BACE1: variants seen among roughly 807,000 people sequenced by gnomAD.
The protein encoded by BACE1 is APP beta-secretase.
Under a neutral mutation model 54.0 loss-of-function variants are expected in BACE1, and 21 were observed. That is an observed-to-expected ratio of 0.39 (90% CI 0.28 to 0.56). The LOEUF is 0.56. Ranked by LOEUF, BACE1 falls within the 20% of genes least tolerant of loss-of-function variation. The pLI is 0.63. For synonymous variants in BACE1, 232 were observed against 260.9 expected (o/e 0.89, Z 1.07); for missense variants, 511 against 661.2 (o/e 0.77, Z 2.49).
At chr11:117,305,811 G>A (rs1044033021) in intron 1 of BACE1, among the ~76,000 whole-genome samples, 42 of 152,076 alleles carry the variant, frequency 2.8e-4, no homozygotes, top group African/African-American at 8.9e-4. Context: ...CGAGGCGGAC[G>A]GATCACAAAG....
At position 117,287,920 on chromosome 11, in the gene BACE1, C is replaced by G. The variant is rs2034305053; in HGVS notation, c.*1646G>C. On this transcript the variant is annotated 3_prime_UTR_variant, in exon 9 of 9. Coordinates refer to ENST00000313005, the MANE Select transcript of BACE1 (RefSeq NM_012104.6). ...CTCTCCCTTATCAGGTAATTCCACA[C>G]TTAGCAGGTCCCATACCTGGAAGCA... 6.6e-6 allele frequency: 1 copy of G among 152,656 alleles called. No individual in the cohort carries two copies. The highest frequency in any genetic ancestry group is 1.5e-5 in the Non-Finnish European group (1 of 68,050). The allele number at this position is 152,656 out of a possible 1,614,324, so 9.5% of individuals were successfully genotyped here.
chr11:117,295,515 A>C, intron 2 of BACE1, 168 bp from the exon 3 acceptor site: 41 of 1,536,184 alleles, frequency 2.7e-5, no homozygotes, highest in Non-Finnish European at 3.5e-5. Context: ...AACAGAGTGT[A>C]AAGTGGGCTT....
In BACE1 at chr11:117,290,915, G is replaced by A; in HGVS notation, c.1077C>T (p.Ile359=). ...TGGGACATACCTGCGGAAGGATGGT[G>A]ATGCGGAAGGACTGGTTGGTAACCT... ...MGEVTNQSFR[I]TILPQQYLRP... Residue 359 remains isoleucine (I), a synonymous_variant, in exon 7 of 9, where the codon ATC becomes ATT. Coordinates refer to ENST00000313005, the MANE Select transcript of BACE1 (RefSeq NM_012104.6). The A allele has an allele frequency of 1.2e-6, 2 of 1,614,110 alleles. No individual in the cohort carries two copies. Among genetic ancestry groups the A allele is most frequent in the Non-Finnish European group, 1.7e-6 (2 of 1,180,020 alleles).
At chr11:117,295,745 A>G in intron 2 of BACE1, 2 of 1,423,206 alleles carry the variant, frequency 1.4e-6, no homozygotes, top group Non-Finnish European at 1.8e-6. Context: ...CTGCCTTGGA[A>G]CCTAGTGGTA....
chr11:117,294,594 C>T (rs2034547521), intron 3 of BACE1, among the ~76,000 whole-genome samples: 1 of 151,754 alleles, frequency 6.6e-6, no homozygotes, highest in Non-Finnish European at 1.5e-5. Context: ...TATTAAAGAT[C>T]TTAGAGTGGC....
chr11:117,303,110 T>G (rs2034760124), intron 1 of BACE1, among the ~76,000 whole-genome samples: 1 of 152,190 alleles, frequency 6.6e-6, no homozygotes, highest in South Asian at 2.1e-4. Flanking sequence ...GAGGGATCTC[T>G]CAGTGGCTCC....
In BACE1 at chr11:117,312,469, C is replaced by CTT. The variant is rs374854581; in HGVS notation, c.261+3064_261+3065dup. ...TCCTATAAATACATTATTCTCTTTT[C>CTT]TTTTTTTTTTTGAGACGGAGTCTCG... On this transcript the variant is annotated intron_variant, in intron 1 of 8. Coordinates refer to ENST00000313005, the MANE Select transcript of BACE1 (RefSeq NM_012104.6). 8.8e-3 allele frequency among the ~76,000 whole-genome samples: 1,299 copies of CTT among 147,856 alleles called. 21 individuals are homozygous for CTT. The highest frequency in any genetic ancestry group is 0.031 in the African/African-American group (1,244 of 40,562).
Position 117,303,873 on chromosome 11 carries a change from C to T in BACE1, c.262-6912G>A, listed in dbSNP as rs539239235. 4.6e-5 allele frequency among the ~76,000 whole-genome samples: 7 copies of T among 152,326 alleles called. No individual in the cohort carries two copies. The East Asian group carries it at 1.3e-3, about 29-fold the overall frequency. ...TGAGATTTAGAAGCCTTCCATTTTACAGAGAAGGAAAGTGAGACCTAGAGT... is the reference window on the plus strand; with the variant it reads ...TGAGATTTAGAAGCCTTCCATTTTATAGAGAAGGAAAGTGAGACCTAGAGT... On this transcript the variant is annotated intron_variant, in intron 1 of 8. Transcript: ENST00000313005.
intron 1 of BACE1, among the ~76,000 whole-genome samples, chr11:117,312,966 G>A (rs2034984961): frequency 6.6e-6 from 1 of 152,198 alleles, no homozygotes; most frequent in African/African-American, 2.4e-5. Flanking sequence ...CTCTATGTGG[G>A]CAGAAAACAT....
At chr11:117,307,469 G>A (rs2034855771) in intron 1 of BACE1, among the ~76,000 whole-genome samples, 1 of 152,116 alleles carries the variant, frequency 6.6e-6, no homozygotes, top group African/African-American at 2.4e-5. Context: ...GTGCCACCAT[G>A]CCCAGCTAAT....
At position 117,316,211 on chromosome 11, in the gene BACE1, CGCGGCTCGCAGCTCCCGGGCGGGCT is replaced by C; in HGVS notation, c.-441_-417del. 1 of 435,892 alleles carries C rather than the reference CGCGGCTCGCAGCTCCCGGGCGGGCT, an allele frequency of 2.3e-6. No homozygotes were observed. Among genetic ancestry groups the C allele is most frequent in the Non-Finnish European group, 4.1e-6 (1 of 244,532 alleles). The allele number at this position is 435,892 out of a possible 1,614,324, so 27.0% of individuals were successfully genotyped here. A position where few individuals can be genotyped will look rare whatever the true frequency, so the allele number is the denominator to read the frequency against. On this transcript the variant is annotated 5_prime_UTR_variant, in exon 1 of 9. Transcript: ENST00000313005. ...CTGCTCAGGCCACCATAATCCAGCT[CGCGGCTCGCAGCTCCCGGGCGGGCT>C]GGGGAGGCGGAAAGACTTGTGGCGG...
chr11:117,295,718 A>T, intron 2 of BACE1: 1 of 1,467,508 alleles, frequency 6.8e-7, no homozygotes, highest in Non-Finnish European at 9.0e-7. Flanking sequence ...CGAGAAAAGG[A>T]ACCATTGACT....
At chr11:117,299,497 C>T (rs1340517809) in intron 1 of BACE1, among the ~76,000 whole-genome samples, 1 of 152,084 alleles carries the variant, frequency 6.6e-6, no homozygotes, top group Non-Finnish European at 1.5e-5. Context: ...ACTGTGCCCT[C>T]CCCCAGTGCC....
chr11:117,308,666 C>T (rs2034883106), intron 1 of BACE1, among the ~76,000 whole-genome samples: 1 of 151,980 alleles, frequency 6.6e-6, no homozygotes, highest in Non-Finnish European at 1.5e-5. Context: ...ATTGTACTTC[C>T]TGGCTGGGTG....
chr11:117,294,781 A>G (rs1322167906), intron 3 of BACE1, among the ~76,000 whole-genome samples: 1 of 151,668 alleles, frequency 6.6e-6, no homozygotes, highest in African/African-American at 2.4e-5. Flanking sequence ...GCTACTCGGG[A>G]GGCTGAGGCA....
chr11:117,315,429 C>T lies in BACE1; in HGVS notation c.261+106G>A, dbSNP rs992098492. On this transcript the variant is annotated intron_variant, in intron 1 of 8. Coordinates refer to ENST00000313005, the MANE Select transcript of BACE1 (RefSeq NM_012104.6). The surrounding 1 kb of genome is among the most constrained non-coding windows in gnomAD (Gnocchi z 5.5). ...AATGGCTGGGGAGGGGTCCCTCCTG[C>T]TGTCCCCACCAGCCCATTTGAGCAG... 4.2e-6 allele frequency: 6 copies of T among 1,433,202 alleles called. No homozygotes were observed. The African/African-American group carries it at 7.5e-5, about 18-fold the overall frequency. The allele number at this position is 1,433,202 out of a possible 1,614,324, so 88.8% of individuals were successfully genotyped here.
chr11:117,315,783 G>T lies in BACE1; in HGVS notation c.13C>A (p.Leu5Met). The change falls in exon 1 of 9, where the codon CTG becomes ATG. Residue 5 changes from leucine (L) to methionine (M), a missense_variant. Leu to Met is a conservative substitution (Grantham distance 15). This residue lies in a region of BACE1 where 104 missense variants were observed against 95.5 expected (regional missense o/e 1.09). Transcript: ENST00000313005. The surrounding 1 kb of genome is among the most constrained non-coding windows in gnomAD (Gnocchi z 5.5). MAQA[L>M]PWLLLWMGAG... ...CCCATCCACAGCAGGAGCCAGGGCA[G>T]GGCTTGGGCCATGGTGGGCCCCGGC... The T allele has an allele frequency of 1.4e-6, 2 of 1,432,460 alleles. No individual in the cohort carries two copies. Among genetic ancestry groups the T allele is most frequent in the Non-Finnish European group, 1.8e-6 (2 of 1,100,834 alleles). 88.7% of individuals were successfully genotyped at this position (1,432,460 alleles called of 1,614,324 possible). A position where few individuals can be genotyped will look rare whatever the true frequency, so the allele number is the denominator to read the frequency against.
At position 117,287,994 on chromosome 11, in the gene BACE1, C is replaced by T. The variant is rs906991759; in HGVS notation, c.*1572G>A. Reference sequence around the variant, plus strand: ...GATGCAGTGGGTATACTAGGAAAACCCAGCTCTTCCCACTAACACTGGTAC... The same window carrying T: ...GATGCAGTGGGTATACTAGGAAAACTCAGCTCTTCCCACTAACACTGGTAC... On this transcript the variant is annotated 3_prime_UTR_variant, in exon 9 of 9. Transcript: ENST00000313005. 1 of 152,616 alleles carries T rather than the reference C, an allele frequency of 6.6e-6. No homozygotes were observed. The highest frequency in any genetic ancestry group is 1.5e-5 in the Non-Finnish European group (1 of 68,064). The allele number at this position is 152,616 out of a possible 1,614,324, so 9.5% of individuals were successfully genotyped here. A position where few individuals can be genotyped will look rare whatever the true frequency, so the allele number is the denominator to read the frequency against.
intron 1 of BACE1, among the ~76,000 whole-genome samples, chr11:117,308,164 A>G (rs368607767): frequency 3.2e-4 from 48 of 152,200 alleles, no homozygotes; most frequent in African/African-American, 9.2e-4. Context: ...CAAGCAGGGA[A>G]GGAGAGGAAA....
Sources: allele counts gnomAD v4.1 joint callset (sites outside exome capture counted in the v4.1 genomes callset), GRCh38; gene constraint gnomAD v4.1.1; regional missense constraint gnomAD v4.1.1; non-coding constraint Gnocchi (gnomAD v3.1); transcripts MANE v1.5; gene names NCBI Gene and HGNC (gene_info 2026-07-23, HGNC 2026-07-21).